Variants in TYW1 observed in about 807,000 individuals in gnomAD.
The protein encoded by TYW1 is S-adenosyl-L-methionine-dependent tRNA 4-demethylwyosine synthase TYW1.
TYW1 carries 46 observed loss-of-function variants against 96.2 expected under a neutral mutation model. The ratio of observed to expected loss-of-function variants is 0.48; its 90% CI spans 0.38 to 0.61. The LOEUF is 0.61. TYW1 is among the 20% of genes least tolerant of loss of function. The pLI is 0.00. For synonymous variants in TYW1, 274 were observed against 323.0 expected, an observed-to-expected ratio of 0.85 and a Z score of 1.63; for missense variants, 684 against 909.6, an observed-to-expected ratio of 0.75 and a Z score of 3.19.
At chr7:67,073,357 C>T (rs186841097) in intron 10 of TYW1, among the ~76,000 whole-genome samples, 24 of 152,122 alleles carry the variant, frequency 1.6e-4, no homozygotes, top group African/African-American at 4.3e-4. Flanking sequence ...GACAGTGCTC[C>T]GCAACAAAGG....
At chr7:67,184,768 C>T (rs1303142387) in intron 14 of TYW1, among the ~76,000 whole-genome samples, 4 of 151,068 alleles carry the variant, frequency 2.6e-5, no homozygotes, top group African/African-American at 9.8e-5. Context: ...AGTACAGTGG[C>T]GTGATCTTGG....
chr7:67,221,239 A>G (rs922489671), intron 15 of TYW1, among the ~76,000 whole-genome samples: 7 of 152,196 alleles, frequency 4.6e-5, no homozygotes, highest in African/African-American at 1.4e-4. Context: ...ATCAATATGT[A>G]ATATTTTTCT....
intron 15 of TYW1, among the ~76,000 whole-genome samples, chr7:67,204,594 CT>C (rs1255760830): frequency 2.3e-5 from 3 of 132,602 alleles, no homozygotes; most frequent in Non-Finnish European, 3.2e-5. Flanking sequence ...TCTTCTTCTT[CT>C]TTTCTTTTTT....
At chr7:67,099,797 G>A (rs748471507) in intron 12 of TYW1, among the ~76,000 whole-genome samples, 1 of 152,176 alleles carries the variant, frequency 6.6e-6, no homozygotes, top group Non-Finnish European at 1.5e-5. Context: ...GAGGTTGAGA[G>A]TTCAAGACCA....
intron 9 of TYW1, among the ~76,000 whole-genome samples, chr7:67,064,080 A>T (rs1331760358): frequency 6.6e-6 from 1 of 152,218 alleles, no homozygotes; most frequent in African/African-American, 2.4e-5. Context: ...TAGACATACC[A>T]TGTTCATGGA....
rs1331254166 is a variant in TYW1, at chr7:67,032,790, C to T, written c.984+7768C>T. Among the ~76,000 whole-genome samples the T allele has an allele frequency of 3.3e-5, 5 of 150,792 alleles. No homozygotes were observed. The East Asian group carries it at 7.8e-4, about 24-fold the overall frequency. ...GACCATCTCCCTGGCAAGTCCCTTG[C>T]GCTGAGCAAAATGTACTCTGAGAAG... On this transcript the variant is annotated intron_variant, in intron 7 of 15. Transcript: ENST00000359626.
intron 13 of TYW1, among the ~76,000 whole-genome samples, chr7:67,138,583 A>AT (rs1441492985): frequency 2.0e-5 from 3 of 151,922 alleles, no homozygotes; most frequent in East Asian, 1.9e-4. Context: ...CATTTTTTCT[A>AT]TTTTTTGTAC....
In TYW1 at chr7:67,169,995, T is replaced by C. The variant is rs186320926; in HGVS notation, c.1699-13131T>C. Reference sequence around the variant, plus strand: ...GTCCATTGTATCTTTTTTTCCTCCTTCTGTTGCTTATGTTTTTGGTGTCAT... The same window carrying C: ...GTCCATTGTATCTTTTTTTCCTCCTCCTGTTGCTTATGTTTTTGGTGTCAT... On this transcript the variant is annotated intron_variant, in intron 13 of 15. Coordinates refer to ENST00000359626, the MANE Select transcript of TYW1 (RefSeq NM_018264.4). Among the ~76,000 whole-genome samples the C allele has an allele frequency of 8.1e-3, 1,226 of 151,192 alleles. 9 individuals are homozygous for C. Among genetic ancestry groups the C allele is most frequent in the African/African-American group, 0.029 (1,157 of 40,538 alleles).
At chr7:67,067,069 A>G in intron 9 of TYW1, 1 of 564,126 alleles carries the variant, frequency 1.8e-6, no homozygotes, top group East Asian at 3.0e-5. Context: ...TTTCAGAGTT[A>G]ATGAATCATA....
rs34123182 is a variant in TYW1 at position 67,147,945 on chromosome 7, G to GA, written c.1698+30338dup. ...GTAAAAGAAAAAATAAATTAATTTG[G>GA]AAAAAAAAAAAGAAACCCAAATATT... On this transcript the variant is annotated intron_variant, in intron 13 of 15. Coordinates refer to ENST00000359626, the MANE Select transcript of TYW1 (RefSeq NM_018264.4). Among the ~76,000 whole-genome samples, 87 of 145,942 alleles carry GA rather than the reference G, an allele frequency of 6.0e-4. 1 individual carries two copies. Among genetic ancestry groups the GA allele is most frequent in the Admixed American group, 8.9e-4 (13 of 14,578 alleles).
chr7:67,236,360 T>G (rs1308323217), intron 15 of TYW1, among the ~76,000 whole-genome samples: 1 of 152,172 alleles, frequency 6.6e-6, no homozygotes. Flanking sequence ...GAAGGTCAAT[T>G]GGCTGGAAGA....
At chr7:67,164,574 G>A (rs562059191) in intron 13 of TYW1, among the ~76,000 whole-genome samples, 1 of 149,056 alleles carries the variant, frequency 6.7e-6, no homozygotes, top group African/African-American at 2.5e-5. Flanking sequence ...TGGCACTATT[G>A]CATTCCAGCC....
intron 14 of TYW1, among the ~76,000 whole-genome samples, chr7:67,193,650 A>C (rs774511631): frequency 2.0e-5 from 3 of 151,824 alleles, no homozygotes; most frequent in Admixed American, 1.3e-4. Flanking sequence ...TCCCAGCTAC[A>C]TGGGAGGCTA....
rs555832703 is a variant in TYW1, at chr7:67,171,800, T to C, written c.1699-11326T>C. Among the ~76,000 whole-genome samples, 21 of 152,278 alleles carry C rather than the reference T, an allele frequency of 1.4e-4. No individual in the cohort carries two copies. The South Asian group carries it at 2.3e-3, about 17-fold the overall frequency. On this transcript the variant is annotated intron_variant, in intron 13 of 15. Coordinates refer to ENST00000359626, the MANE Select transcript of TYW1 (RefSeq NM_018264.4). ...ACACTAGTTTTTTTTATGGTCAGTGTTTGCATAGTACAACTTTTTTCTTTT... is the reference window on the plus strand; with the variant it reads ...ACACTAGTTTTTTTTATGGTCAGTGCTTGCATAGTACAACTTTTTTCTTTT...
intron 7 of TYW1, among the ~76,000 whole-genome samples, chr7:67,030,496 G>A (rs1204122755): frequency 1.3e-5 from 2 of 152,212 alleles, no homozygotes; most frequent in Non-Finnish European, 2.9e-5. Context: ...GCTGGGCGTA[G>A]TGGTACGTGC....
At chr7:67,062,566 C>CAAAAAAAAAAAAAAAAAAAAA (rs56770876) in intron 9 of TYW1, among the ~76,000 whole-genome samples, 5 of 89,158 alleles carry the variant, frequency 5.6e-5, no homozygotes, top group African/African-American at 1.3e-4. Context: ...GACTCCGTCT[C>CAAAAAAAAAAAAAAAAAAAAA]AAAAAAAAAA....
At chr7:67,112,683 C>T (rs1797462170) in intron 12 of TYW1, among the ~76,000 whole-genome samples, 2 of 151,728 alleles carry the variant, frequency 1.3e-5, no homozygotes, top group Non-Finnish European at 2.9e-5. Flanking sequence ...TCAGATTCTA[C>T]TTCGAGGTAA....
Position 67,156,795 on chromosome 7 carries a change from C to A in TYW1, c.1699-26331C>A, listed in dbSNP as rs936843741. ...TGCTGTGATGTAGTTGCTTGGGGCT[C>A]CTGGTGTGAGTGGGACCCAGTGTGA... On this transcript the variant is annotated intron_variant, in intron 13 of 15. Coordinates refer to ENST00000359626, the MANE Select transcript of TYW1 (RefSeq NM_018264.4). 2.0e-5 allele frequency among the ~76,000 whole-genome samples: 3 copies of A among 151,472 alleles called. No individual in the cohort carries two copies. In the East Asian group the frequency reaches 5.8e-4, roughly 29 times the overall value.
chr7:67,228,856 G>C (rs1403950756), intron 15 of TYW1, among the ~76,000 whole-genome samples: 2 of 152,220 alleles, frequency 1.3e-5, no homozygotes, highest in African/African-American at 2.4e-5. Context: ...GACATTTTGA[G>C]TTTGAGATGA....
Sources: allele counts gnomAD v4.1 joint callset (sites outside exome capture counted in the v4.1 genomes callset), GRCh38; gene constraint gnomAD v4.1.1; transcripts MANE v1.5; gene names NCBI Gene and HGNC (gene_info 2026-07-23, HGNC 2026-07-21).